DAB2IP: variants seen among roughly 807,000 people sequenced by gnomAD.
DAB2IP encodes the protein disabled homolog 2-interacting protein.
A neutral mutation model predicts 107.2 loss-of-function variants in DAB2IP; 28 were observed. That is an observed-to-expected ratio of 0.26 (90% CI 0.19 to 0.36). DAB2IP has a LOEUF of 0.36. Among genes scored for constraint, DAB2IP ranks in the 10% least tolerant of loss-of-function variants. DAB2IP has a pLI of 1.00. For missense variants in DAB2IP, 1,400 were observed against 1,644.7 expected (o/e 0.85, Z 2.57); for synonymous variants, 755 against 706.4 (o/e 1.07, Z -1.09).
intron 1 of DAB2IP, chr9:121,575,543 C>T (rs935374565): frequency 1.3e-5 from 2 of 152,180 alleles, no homozygotes; most frequent in South Asian, 2.1e-4. Context: ...CTGACACACT[C>T]GCTTGAGTAT....
Position 121,782,525 on chromosome 9 carries a change from C to T in DAB2IP, c.*27C>T. The T allele has an allele frequency of 6.2e-7, 1 of 1,610,544 alleles. No homozygotes were observed. Among genetic ancestry groups the T allele is most frequent in the Admixed American group, 1.7e-5 (1 of 59,914 alleles). ...CTGCCTGAGGAGGGAGGAAGCTACC[C>T]AAGGAGAGGGGGACTATGGTGGCCA... is the stretch of plus-strand genomic sequence containing the variant. On this transcript the variant is annotated 3_prime_UTR_variant, in exon 16 of 16. Coordinates refer to ENST00000408936, the Ensembl canonical transcript of DAB2IP. This position sits in a 1 kb window ranked among gnomAD's most constrained non-coding sequence, Gnocchi z 6.1.
intron 4 of DAB2IP, 92 bp from the exon 5 acceptor site, chr9:121,758,806 G>C: frequency 8.9e-7 from 1 of 1,121,858 alleles, no homozygotes; most frequent in Non-Finnish European, 1.3e-6. Flanking sequence ...CTGATGGCCA[G>C]AGTCCCCTGA....
At position 121,782,796 on chromosome 9, in the gene DAB2IP, C is replaced by T; in HGVS notation, c.*298C>T. The T allele has an allele frequency of 8.0e-7, 1 of 1,249,428 alleles. No homozygotes were observed. The highest frequency in any genetic ancestry group is 1.0e-6 in the Non-Finnish European group (1 of 989,228). 77.4% of individuals were successfully genotyped at this position (1,249,428 alleles called of 1,614,324 possible). On this transcript the variant is annotated 3_prime_UTR_variant, in exon 16 of 16. Transcript: ENST00000408936. The surrounding 1 kb of genome is among the most constrained non-coding windows in gnomAD (Gnocchi z 6.1). ...CTGCCAAAAATATGTCTGTTGGTTC[C>T]TGAATGTGGTGTGTCCTTGTCCTCC...
Position 121,653,876 on chromosome 9 carries a change from C to A in DAB2IP, c.124+1977C>A, listed in dbSNP as rs1052953292. ...TTGAAGGAGCTCACGGCCTGCAGAG[C>A]GGGGAGGAGACTGTCTCTGAACAGA... On this transcript the variant is annotated intron_variant, in intron 1 of 15. Coordinates refer to ENST00000408936, the Ensembl canonical transcript of DAB2IP. Among the ~76,000 whole-genome samples, 5 of 152,148 alleles carry A rather than the reference C, an allele frequency of 3.3e-5. No individual in the cohort carries two copies. In the East Asian group the frequency reaches 9.6e-4, roughly 29 times the overall value.
At chr9:121,640,087 A>G (rs1021375828) in intron 1 of DAB2IP, among the ~76,000 whole-genome samples, 1 of 152,080 alleles carries the variant, frequency 6.6e-6, no homozygotes, top group African/African-American at 2.4e-5. Flanking sequence ...TGCTTAGGAG[A>G]CTGGAATCCT....
chr9:121,605,779 T>C (rs898719531), intron 1 of DAB2IP, among the ~76,000 whole-genome samples: 6 of 152,182 alleles, frequency 3.9e-5, no homozygotes, highest in Non-Finnish European at 7.4e-5. Flanking sequence ...GTGCTGGGGT[T>C]GTATGCATGA....
exon 16 of DAB2IP, chr9:121,783,747 C>T (rs1300945308): frequency 2.8e-6 from 2 of 714,630 alleles, no homozygotes; most frequent in Non-Finnish European, 4.7e-6. Flanking sequence ...GCGCTGCATA[C>T]AGGGGAGGGG....
At chr9:121,660,996 C>A (rs984537942) in intron 1 of DAB2IP, among the ~76,000 whole-genome samples, 1 of 151,860 alleles carries the variant, frequency 6.6e-6, no homozygotes, top group African/African-American at 2.4e-5. Flanking sequence ...GTCCTTACAG[C>A]GAGAGGAGTG....
chr9:121,704,349 G>T (rs1327171944), intron 3 of DAB2IP, among the ~76,000 whole-genome samples: 1 of 152,188 alleles, frequency 6.6e-6, no homozygotes, highest in Non-Finnish European at 1.5e-5. Context: ...CATCATTAAA[G>T]CAGTCTTTAT....
chr9:121,649,754 C>G (rs1832674815), upstream of DAB2IP, among the ~76,000 whole-genome samples: 1 of 152,194 alleles, frequency 6.6e-6, no homozygotes, highest in Admixed American at 6.5e-5. Flanking sequence ...GCAGTTTGGC[C>G]AGAGGAGGAT....
chr9:121,777,336 C>G (rs1226885521), intron 14 of DAB2IP, among the ~76,000 whole-genome samples: 3 of 152,216 alleles, frequency 2.0e-5, no homozygotes, highest in Non-Finnish European at 4.4e-5. Flanking sequence ...TTTCTCTGTT[C>G]CTGACTGTTG....
intron 1 of DAB2IP, among the ~76,000 whole-genome samples, chr9:121,612,970 G>A (rs528811941): frequency 1.3e-5 from 2 of 152,346 alleles, no homozygotes; most frequent in African/African-American, 4.8e-5. Context: ...TGTGGGGAGG[G>A]GGGATGTCAA....
intron 3 of DAB2IP, among the ~76,000 whole-genome samples, chr9:121,741,661 A>G (rs999914758): frequency 1.4e-4 from 22 of 151,808 alleles, no homozygotes; most frequent in Non-Finnish European, 3.1e-4. Flanking sequence ...GAAATCACTG[A>G]GGGTCCTTTT....
intron 1 of DAB2IP, among the ~76,000 whole-genome samples, chr9:121,612,016 T>A (rs1467151809): frequency 1.3e-5 from 2 of 152,226 alleles, no homozygotes; most frequent in Admixed American, 1.3e-4. Flanking sequence ...TTAATGCACT[T>A]TATAGCAGTC....
intron 3 of DAB2IP, among the ~76,000 whole-genome samples, chr9:121,723,386 C>G (rs998638193): frequency 6.6e-6 from 1 of 152,254 alleles, no homozygotes; most frequent in Non-Finnish European, 1.5e-5. Context: ...GCTGCAGTCC[C>G]TGCCTCCCTG....
intron 1 of DAB2IP, among the ~76,000 whole-genome samples, chr9:121,572,461 G>A (rs1375972370): frequency 6.6e-6 from 1 of 152,190 alleles, no homozygotes; most frequent in Non-Finnish European, 1.5e-5. Flanking sequence ...TGAGTGGCAT[G>A]AGCTGGATCC....
intron 1 of DAB2IP, among the ~76,000 whole-genome samples, chr9:121,673,511 G>C (rs1001219696): frequency 3.3e-5 from 5 of 151,852 alleles, no homozygotes; most frequent in Admixed American, 6.5e-5. Flanking sequence ...TCTTGGGCTA[G>C]AAGATGAAAA....
At chr9:121,661,993 C>CA (rs200178486) in intron 1 of DAB2IP, among the ~76,000 whole-genome samples, 1,780 of 150,362 alleles carry the variant, frequency 0.012, 52 homozygotes, top group African/African-American at 0.041. Context: ...AAAAAAAAAA[C>CA]AAAAAAACCC....
In DAB2IP at chr9:121,770,614, A is replaced by AGGT. The variant is rs749136262; in HGVS notation, c.1969_1971dup (p.Gly657dup). The AGGT allele has an allele frequency of 3.1e-6, 5 of 1,614,124 alleles. No homozygotes were observed. In the East Asian group the frequency reaches 1.1e-4, roughly 36 times the overall value. ...ACGTCCACACAGCACTGAGCACCCC[A>AGGT]GGTAGCGGGCAGCTCCCAGGGACCA... On this transcript the variant is annotated inframe_insertion, in exon 11 of 16. Transcript: ENST00000408936.
Sources: gnomAD v4.1 joint callset for allele counts (sites outside exome capture counted in the v4.1 genomes callset) on GRCh38, gnomAD v4.1.1 for gene constraint, Gnocchi (gnomAD v3.1) non-coding constraint, MANE v1.5 for transcripts, NCBI Gene and HGNC (gene_info 2026-07-23, HGNC 2026-07-21) for gene names.